The following ICAM1 variants were observed in gnomAD, a reference collection of about 807,000 sequenced individuals.
ICAM1 encodes the protein ICAM-1.
Under a neutral mutation model 42.3 loss-of-function variants are expected in ICAM1, and 28 were observed. The observed-to-expected ratio is 0.66, with a 90% CI of 0.49 to 0.91. The LOEUF is 0.91. ICAM1 is among the 40% of genes least tolerant of loss of function. ICAM1 has a pLI of 0.00. For synonymous variants in ICAM1, 304 were observed against 305.9 expected (o/e 0.99, Z 0.07); for missense variants, 637 against 688.6 (o/e 0.93, Z 0.84).
chr19:10,279,403 A>T (rs375238752), intron 2 of ICAM1, among the ~76,000 whole-genome samples: 38 of 152,024 alleles, frequency 2.5e-4, no homozygotes, highest in African/African-American at 8.4e-4. Flanking sequence ...AAATTAGGGT[A>T]CAGTGGCATA....
At chr19:10,272,555 CTTTT>C (rs2039988984) in intron 1 of ICAM1, among the ~76,000 whole-genome samples, 1 of 108,512 alleles carries the variant, frequency 9.2e-6, no homozygotes, top group Non-Finnish European at 1.9e-5. Flanking sequence ...TCTTTCTTTT[CTTTT>C]CTTTTTTTTT....
intron 2 of ICAM1, among the ~76,000 whole-genome samples, chr19:10,278,159 T>C (rs1037852503): frequency 4.6e-5 from 7 of 152,202 alleles, no homozygotes; most frequent in Non-Finnish European, 8.8e-5. Flanking sequence ...ATGACACCAC[T>C]GCACTCCAGC....
chr19:10,284,416 C>T lies in ICAM1; in HGVS notation c.939C>T (p.Pro313=), dbSNP rs2040086577. Residue 313 remains proline (P), a synonymous_variant, in exon 5 of 7, where the codon CCC becomes CCT. Coordinates refer to ENST00000264832, the MANE Select transcript of ICAM1 (RefSeq NM_000201.3). The surrounding 1 kb of genome is among the most constrained non-coding windows in gnomAD (Gnocchi z 5.4). ...QTVTIYSFPA[P]NVILTKPEVS... ...TGCCTATTCCAGGCTTTCCGGCGCC[C>T]AACGTGATTCTGACGAAGCCAGAGG... is the stretch of plus-strand genomic sequence containing the variant. The T allele has an allele frequency of 6.2e-7, 1 of 1,613,260 alleles. No homozygotes were observed. Among genetic ancestry groups the T allele is most frequent in the African/African-American group, 1.3e-5 (1 of 74,888 alleles).
Position 10,284,925 on chromosome 19 carries a change from C to T in ICAM1, c.1323C>T (p.Ile441=), listed in dbSNP as rs760839324. Residue 441 remains isoleucine, a synonymous_variant, in exon 6 of 7, where the codon ATC becomes ATT. Transcript: ENST00000264832. This position sits in a 1 kb window ranked among gnomAD's most constrained non-coding sequence, Gnocchi z 5.4. Reference sequence around the variant, plus strand: ...AGGATGGCACTTTCCCACTGCCCATCGGGGAATCAGTGACTGTCACTCGAG... The same window carrying T: ...AGGATGGCACTTTCCCACTGCCCATTGGGGAATCAGTGACTGTCACTCGAG... ...CLKDGTFPLP[I]GESVTVTRDL... is the part of the protein sequence containing the mutation. 1.9e-5 allele frequency: 30 copies of T among 1,607,448 alleles called. No individual in the cohort carries two copies. The highest frequency in any genetic ancestry group is 3.3e-4 in the Middle Eastern group (2 of 6,024).
chr19:10,285,198 A>G lies in ICAM1; in HGVS notation c.1510A>G (p.Asn504Asp). The G allele has an allele frequency of 6.2e-7, 1 of 1,614,160 alleles. No individual in the cohort carries two copies. The highest frequency in any genetic ancestry group is 8.5e-7 in the Non-Finnish European group (1 of 1,180,024). Residue 504 changes from asparagine (N) to aspartate (D), a missense_variant, in exon 7 of 7, where the codon AAC becomes GAC. Coordinates refer to ENST00000264832, the MANE Select transcript of ICAM1 (RefSeq NM_000201.3). ...TGCAGGCCTCAGCACGTACCTCTAT[A>G]ACCGCCAGCGGAAGATCAAGAAATA... The part of the protein sequence containing the change: ...GTAGLSTYLY[N>D]RQRKIKKYRL...
At position 10,271,200 on chromosome 19, in the gene ICAM1, T is replaced by A; in HGVS notation, c.41T>A (p.Leu14Gln). The A allele has an allele frequency of 6.2e-7, 1 of 1,613,414 alleles. No individual in the cohort carries two copies. ...SSPRPALPAL[L>Q]VLLGALFPGP... ...CCCCGGCCCGCGCTGCCCGCACTCCTGGTCCTGCTCGGGGCTCTGTTCCCA... is the reference window on the plus strand; with the variant it reads ...CCCCGGCCCGCGCTGCCCGCACTCCAGGTCCTGCTCGGGGCTCTGTTCCCA... Residue 14 changes from leucine (L) to glutamine (Q), a missense_variant, in exon 1 of 7, where the codon CTG (leucine) becomes CAG (glutamine). Transcript: ENST00000264832.
intron 2 of ICAM1, among the ~76,000 whole-genome samples, chr19:10,281,163 A>G (rs958185370): frequency 3.3e-5 from 5 of 150,658 alleles, no homozygotes; most frequent in African/African-American, 1.2e-4. Context: ...GTGAGCCACC[A>G]TGTCTGGCCT....
Position 10,284,858 on chromosome 19 carries a change from G to T in ICAM1, c.1256G>T (p.Cys419Phe). 1 of 1,596,130 alleles carries T rather than the reference G, an allele frequency of 6.3e-7. No homozygotes were observed. The change falls in exon 6 of 7, where the codon TGC (cysteine) becomes TTC (phenylalanine). Residue 419 changes from cysteine (C) to phenylalanine (F), a missense_variant. Coordinates refer to ENST00000264832, the MANE Select transcript of ICAM1 (RefSeq NM_000201.3). The surrounding 1 kb of genome is among the most constrained non-coding windows in gnomAD (Gnocchi z 5.4). ...GAAAATTCCCAGCAGACTCCAATGT[G>T]CCAGGCTTGGGGGAACCCATTGCCC... is the stretch of plus-strand genomic sequence containing the variant. ...WPENSQQTPM[C>F]QAWGNPLPEL...
chr19:10,283,275 T>A (rs2040074185), intron 2 of ICAM1: 1 of 508,760 alleles, frequency 2.0e-6, no homozygotes, highest in South Asian at 3.6e-5. Context: ...CTGTCATGAA[T>A]AAGGAATATT....
intron 2 of ICAM1, among the ~76,000 whole-genome samples, chr19:10,282,000 C>T (rs1013949387): frequency 1.3e-5 from 2 of 152,088 alleles, no homozygotes; most frequent in Middle Eastern, 3.4e-3. Flanking sequence ...CCTCGGCCCC[C>T]CAAAGTGTTG....
At chr19:10,280,199 G>A (rs1476969558) in intron 2 of ICAM1, among the ~76,000 whole-genome samples, 5 of 152,214 alleles carry the variant, frequency 3.3e-5, no homozygotes, top group Admixed American at 6.5e-5. Context: ...CTTCCTCCCC[G>A]CTGCACCAGG....
intron 2 of ICAM1, among the ~76,000 whole-genome samples, chr19:10,280,845 A>C (rs1308188674): frequency 4.8e-5 from 7 of 147,086 alleles, no homozygotes; most frequent in Admixed American, 4.8e-4. Flanking sequence ...CTGAGATTAC[A>C]GGCATGAGCC....
intron 2 of ICAM1, among the ~76,000 whole-genome samples, chr19:10,281,547 A>C (rs281433): frequency 0.024 from 3,592 of 152,114 alleles, 155 homozygotes; most frequent in African/African-American, 0.083. Flanking sequence ...TCACTCTAAA[A>C]AAGAAACCTC....
intron 2 of ICAM1, among the ~76,000 whole-genome samples, chr19:10,279,741 C>T (rs965186978): frequency 1.6e-4 from 24 of 152,004 alleles, no homozygotes; most frequent in Non-Finnish European, 4.4e-5. Context: ...GCCTCAGTTT[C>T]CCAAAGTGCT....
chr19:10,284,401 A>C lies in ICAM1; in HGVS notation c.926-2A>C, dbSNP rs1175837915. The C allele has an allele frequency of 6.2e-7, 1 of 1,612,832 alleles. No homozygotes were observed. The highest frequency in any genetic ancestry group is 8.5e-7 in the Non-Finnish European group (1 of 1,179,982). On this transcript the variant is annotated splice_acceptor_variant, in intron 4 of 6. Transcript: ENST00000264832. LOFTEE classifies it high-confidence loss of function. The surrounding 1 kb of genome is among the most constrained non-coding windows in gnomAD (Gnocchi z 5.4). ...GCGGGGCTCACTGTGTGCCTATTCCAGGCTTTCCGGCGCCCAACGTGATTC... is the reference window on the plus strand; with the variant it reads ...GCGGGGCTCACTGTGTGCCTATTCCCGGCTTTCCGGCGCCCAACGTGATTC...
At chr19:10,273,235 A>G (rs2039994159) in intron 1 of ICAM1, among the ~76,000 whole-genome samples, 1 of 151,952 alleles carries the variant, frequency 6.6e-6, no homozygotes. Flanking sequence ...GCTCACACCT[A>G]TAATCCCAGC....
Position 10,283,755 on chromosome 19 carries a change from C to T in ICAM1, c.606C>T (p.Asn202=). 6.2e-7 allele frequency: 1 copy of T among 1,610,818 alleles called. No individual in the cohort carries two copies. The highest frequency in any genetic ancestry group is 8.5e-7 in the Non-Finnish European group (1 of 1,178,364). The change falls in exon 3 of 7, where the codon AAC becomes AAT. Residue 202 remains asparagine, a synonymous_variant. Transcript: ENST00000264832. ...CCCAAGGGCTGGAGCTGTTTGAGAA[C>T]ACCTCGGCCCCCTACCAGCTCCAGA... ...LRPQGLELFE[N]TSAPYQLQTF... is the part of the protein sequence containing the mutation.
chr19:10,274,982 C>T lies in ICAM1; in HGVS notation c.285C>T (p.Asn95=), dbSNP rs760391948. The T allele has an allele frequency of 6.2e-7, 1 of 1,614,196 alleles. No homozygotes were observed. The highest frequency in any genetic ancestry group is 8.5e-7 in the Non-Finnish European group (1 of 1,180,048). ...QEDSQPMCYS[N]CPDGQSTAKT... ...ATAGCCAACCAATGTGCTATTCAAA[C>T]TGCCCTGATGGGCAGTCAACAGCTA... is the stretch of plus-strand genomic sequence containing the variant. The change falls in exon 2 of 7, where the codon AAC becomes AAT. Residue 95 remains asparagine, a synonymous_variant. Transcript: ENST00000264832.
In ICAM1 at chr19:10,285,673, CAGA is replaced by C. The variant is rs759672694; in HGVS notation, c.*392_*394del. The stretch of plus-strand genomic sequence containing the variant: ...GGTATGCTGAGGCCCCACAGACTTA[CAGA>C]AGAAGTGGCCCTCCATAGACATGTG... On this transcript the variant is annotated 3_prime_UTR_variant, in exon 7 of 7. Transcript: ENST00000264832. The C allele has an allele frequency of 2.5e-4, 51 of 200,768 alleles. 1 individual carries two copies. The highest frequency in any genetic ancestry group is 1.0e-4 in the Non-Finnish European group (10 of 97,234). The allele number at this position is 200,768 out of a possible 1,614,324, so 12.4% of individuals were successfully genotyped here. A position where few individuals can be genotyped will look rare whatever the true frequency, so the allele number is the denominator to read the frequency against.
Sources: gnomAD v4.1 joint callset for allele counts (sites outside exome capture counted in the v4.1 genomes callset) on GRCh38, gnomAD v4.1.1 for gene constraint, Gnocchi (gnomAD v3.1) non-coding constraint, MANE v1.5 for transcripts, NCBI Gene and HGNC (gene_info 2026-07-23, HGNC 2026-07-21) for gene names.